Variants in NOSIP observed in about 807,000 individuals in gnomAD.
NOSIP encodes nitric oxide synthase-interacting protein.
In NOSIP, 25 loss-of-function variants were observed where a neutral mutation model predicts 36.4. The ratio of observed to expected loss-of-function variants is 0.69; its 90% CI spans 0.50 to 0.96. The LOEUF is 0.96. Ranked by LOEUF, NOSIP falls within the 40% of genes least tolerant of loss-of-function variation. NOSIP has a pLI of 0.00. For synonymous variants in NOSIP, 187 were observed against 179.2 expected, an observed-to-expected ratio of 1.04 and a Z score of -0.35; for missense variants, 370 against 429.0, an observed-to-expected ratio of 0.86 and a Z score of 1.21.
Position 49,556,403 on chromosome 19 carries a change from A to T in NOSIP, c.748T>A (p.Cys250Ser), listed in dbSNP as rs1210802336. 3.7e-6 allele frequency: 6 copies of T among 1,613,734 alleles called. 1 individual carries two copies. The South Asian group carries it at 5.5e-5, about 15-fold the overall frequency. Residue 250 changes from cysteine (C) to serine (S), a missense_variant, in exon 8 of 9, where the codon TGC (cysteine) becomes AGC (serine). Coordinates refer to ENST00000596358, the MANE Select transcript of NOSIP (RefSeq NM_001270960.2). ...TCCTTCCGAATCAGCTTCTCCACGC[A>T]TTCGAGGGTGACCACAGCCCCACTA... ...RPSGAVVTLE[C>S]VEKLIRKDMV...
intron 1 of NOSIP, among the ~76,000 whole-genome samples, chr19:49,562,885 AAGAAG>A (rs1054186441): frequency 2.0e-5 from 3 of 152,142 alleles, no homozygotes; most frequent in South Asian, 4.1e-4. Context: ...TCAAAAGAAA[AAGAAG>A]AGAAGAGAGA....
intron 1 of NOSIP, among the ~76,000 whole-genome samples, chr19:49,571,910 A>T (rs1166473062): frequency 7.1e-6 from 1 of 140,774 alleles, no homozygotes; most frequent in Non-Finnish European, 1.5e-5. Context: ...GCTTGAACCC[A>T]GGAGGTGGAG....
intron 3 of NOSIP, chr19:49,559,510 C>CAAAAA (rs112494970): frequency 7.8e-5 from 13 of 166,696 alleles, no homozygotes; most frequent in South Asian, 3.1e-4. Flanking sequence ...GACTCTGTCT[C>CAAAAA]AAAAAAAAAA....
At chr19:49,564,477 CAAAAT>C (rs1185558883) in intron 1 of NOSIP, among the ~76,000 whole-genome samples, 170 of 113,012 alleles carry the variant, frequency 1.5e-3, no homozygotes, top group African/African-American at 5.6e-3. Flanking sequence ...AAAAAAAAAA[CAAAAT>C]AAAACTTCAT....
chr19:49,555,860 C>T (rs770888757), intron 8 of NOSIP, 38 bp from the exon 9 acceptor site: 2 of 1,526,186 alleles, frequency 1.3e-6, no homozygotes, highest in East Asian at 4.5e-5. Flanking sequence ...TAGAGGCCGG[C>T]CCGGGGGTGA....
chr19:49,566,112 C>T (rs901339232), intron 1 of NOSIP, among the ~76,000 whole-genome samples: 2 of 151,844 alleles, frequency 1.3e-5, no homozygotes, highest in African/African-American at 2.4e-5. Context: ...CTCTGCCACC[C>T]GGGTTCACGC....
At chr19:49,571,983 CAAAA>C (rs35870721) in intron 1 of NOSIP, among the ~76,000 whole-genome samples, 1 of 56,988 alleles carries the variant, frequency 1.8e-5, no homozygotes, top group Non-Finnish European at 3.4e-5. Context: ...GACTCTGTCT[CAAAA>C]AAAAAAAAAA....
intron 8 of NOSIP, among the ~76,000 whole-genome samples, 180 bp downstream of exon 8, chr19:49,556,136 GA>G (rs202035964): frequency 0.048 from 3,496 of 73,308 alleles, 296 homozygotes; most frequent in African/African-American, 0.11. Flanking sequence ...TAGGAGAGCG[GA>G]GGGGGGGAAG....
At chr19:49,570,551 C>G (rs914239331) in intron 1 of NOSIP, among the ~76,000 whole-genome samples, 1 of 152,114 alleles carries the variant, frequency 6.6e-6, no homozygotes, top group African/African-American at 2.4e-5. Context: ...CGCCCCTTCC[C>G]GATCAATGTG....
chr19:49,556,394 T>G lies in NOSIP; in HGVS notation c.757A>C (p.Lys253Gln). The change falls in exon 8 of 9, where the codon AAG becomes CAG. Residue 253 changes from lysine to glutamine, a missense_variant. Lys to Gln is a moderately conservative substitution (Grantham distance 53, BLOSUM62 1). Coordinates refer to ENST00000596358, the MANE Select transcript of NOSIP (RefSeq NM_001270960.2). ...GAVVTLECVE[K>Q]LIRKDMVDPV... ...TCCACCATGTCCTTCCGAATCAGCT[T>G]CTCCACGCATTCGAGGGTGACCACA... 6.2e-7 allele frequency: 1 copy of G among 1,613,706 alleles called. No individual in the cohort carries two copies. Among genetic ancestry groups the G allele is most frequent in the Non-Finnish European group, 8.5e-7 (1 of 1,179,878 alleles).
In NOSIP at chr19:49,556,391, G is replaced by A. The variant is rs2080246295; in HGVS notation, c.760C>T (p.Leu254=). Residue 254 remains leucine (L), a synonymous_variant, in exon 8 of 9, where the codon CTG becomes TTG. Coordinates refer to ENST00000596358, the MANE Select transcript of NOSIP (RefSeq NM_001270960.2). ...AVVTLECVEK[L]IRKDMVDPVT... is the part of the protein sequence containing the mutation. ...GGGTCCACCATGTCCTTCCGAATCA[G>A]CTTCTCCACGCATTCGAGGGTGACC... The A allele has an allele frequency of 3.1e-6, 5 of 1,613,786 alleles. No individual in the cohort carries two copies. Among genetic ancestry groups the A allele is most frequent in the Non-Finnish European group, 3.4e-6 (4 of 1,179,898 alleles).
At chr19:49,563,525 C>T (rs1245655812) in intron 1 of NOSIP, among the ~76,000 whole-genome samples, 1 of 147,146 alleles carries the variant, frequency 6.8e-6, no homozygotes, top group Non-Finnish European at 1.5e-5. Flanking sequence ...TCGAGTTTTG[C>T]TCTTGTTGCC....
In NOSIP at chr19:49,559,227, C is replaced by T; in HGVS notation, c.177-249G>A. ...CTAGTAGAGACTAGATTTGAGCTTC[C>T]AGCTGTCCTCTCCCAATAGAGCTGC... On this transcript the variant is annotated intron_variant, in intron 3 of 8. Coordinates refer to ENST00000596358, the MANE Select transcript of NOSIP (RefSeq NM_001270960.2). 1.7e-5 allele frequency: 8 copies of T among 475,226 alleles called. No homozygotes were observed. The East Asian group carries it at 2.7e-4, about 16-fold the overall frequency. The allele number at this position is 475,226 out of a possible 1,614,324, so 29.4% of individuals were successfully genotyped here.
chr19:49,558,918 C>T lies in NOSIP; in HGVS notation c.237G>A (p.Lys79=). The T allele has an allele frequency of 6.2e-7, 1 of 1,614,098 alleles. No individual in the cohort carries two copies. Residue 79 remains lysine, a synonymous_variant, in exon 4 of 9, where the codon AAG becomes AAA. Coordinates refer to ENST00000596358, the MANE Select transcript of NOSIP (RefSeq NM_001270960.2). ...AILEYILHQK[K]EIARQMKAYE... ...TCACCTTCATCTGCCGGGCAATCTC[C>T]TTCTTCTGGTGCAGAATGTACTCCA... is the stretch of plus-strand genomic sequence containing the variant.
At chr19:49,571,197 G>T (rs2080479794) in intron 1 of NOSIP, among the ~76,000 whole-genome samples, 1 of 150,570 alleles carries the variant, frequency 6.6e-6, no homozygotes, top group African/African-American at 2.4e-5. Flanking sequence ...TGTTGGCCAG[G>T]CTAGTTCTGA....
intron 1 of NOSIP, among the ~76,000 whole-genome samples, chr19:49,573,641 C>G (rs551215360): frequency 6.6e-6 from 1 of 152,126 alleles, no homozygotes; most frequent in Non-Finnish European, 1.5e-5. Context: ...TCATTAGTAA[C>G]ATGTGAATCA....
chr19:49,560,400 T>G lies in NOSIP; in HGVS notation c.70+222A>C. 3 of 590,120 alleles carry G rather than the reference T, an allele frequency of 5.1e-6. No individual in the cohort carries two copies. The highest frequency in any genetic ancestry group is 6.1e-6 in the Non-Finnish European group (2 of 329,774). 36.6% of individuals were successfully genotyped at this position (590,120 alleles called of 1,614,324 possible). ...GTAACAAGAGCACCCTCCCTGACAC[T>G]CTGTTGGGAGGAGTGAGTTCATGCG... On this transcript the variant is annotated intron_variant, in intron 2 of 8. Transcript: ENST00000596358. The surrounding 1 kb of genome is among the most constrained non-coding windows in gnomAD (Gnocchi z 4.6).
intron 1 of NOSIP, among the ~76,000 whole-genome samples, chr19:49,564,949 C>T (rs73934006): frequency 0.11 from 16,109 of 152,044 alleles, 2,261 homozygotes; most frequent in African/African-American, 0.31. Context: ...ATTCATGTGA[C>T]GTTCAAAAAC....
intron 1 of NOSIP, among the ~76,000 whole-genome samples, chr19:49,573,213 C>G (rs1426800515): frequency 2.0e-5 from 3 of 152,148 alleles, no homozygotes; most frequent in African/African-American, 4.8e-5. Context: ...ACTGTGCCAG[C>G]TGGCTGCAGG....
Sources: allele counts gnomAD v4.1 joint callset (sites outside exome capture counted in the v4.1 genomes callset), GRCh38; gene constraint gnomAD v4.1.1; non-coding constraint Gnocchi (gnomAD v3.1); transcripts MANE v1.5; gene names NCBI Gene and HGNC (gene_info 2026-07-23, HGNC 2026-07-21).